Variants in IFNGR2 observed in about 807,000 individuals in gnomAD.
IFNGR2 encodes the protein IFN-gamma receptor 2.
IFNGR2 carries 15 observed loss-of-function variants against 41.1 expected under a neutral mutation model. That is an observed-to-expected ratio of 0.37 (90% CI 0.24 to 0.56). The LOEUF (loss-of-function observed/expected upper bound fraction) is 0.56. Ranked by LOEUF, IFNGR2 falls within the 20% of genes least tolerant of loss-of-function variation. The pLI is 0.81. For missense variants in IFNGR2, 362 were observed against 415.7 expected, an observed-to-expected ratio of 0.87 and a Z score of 1.12; for synonymous variants, 161 against 171.6, an observed-to-expected ratio of 0.94 and a Z score of 0.48.
chr21:33,422,950 A>G (rs1204760509), intron 3 of IFNGR2, among the ~76,000 whole-genome samples: 2 of 151,078 alleles, frequency 1.3e-5, no homozygotes, highest in African/African-American at 4.9e-5. Flanking sequence ...GCTTCCAGGC[A>G]TAGAAGAAAC....
chr21:33,432,670 T>C (rs768605434), intron 5 of IFNGR2, 44 bp from the exon 6 acceptor site: 2 of 1,603,508 alleles, frequency 1.2e-6, no homozygotes, highest in African/African-American at 1.3e-5. Context: ...GTTTGTGTTG[T>C]GCGTAGGAAG....
chr21:33,413,486 GA>G (rs1186495334), intron 1 of IFNGR2, among the ~76,000 whole-genome samples: 1 of 152,208 alleles, frequency 6.6e-6, no homozygotes, highest in Non-Finnish European at 1.5e-5. Context: ...CGCATTTACC[GA>G]AAATGTGTGG....
chr21:33,425,745 G>A (rs998390213), intron 3 of IFNGR2, among the ~76,000 whole-genome samples: 5 of 152,198 alleles, frequency 3.3e-5, no homozygotes, highest in African/African-American at 1.2e-4. Context: ...ACCTCCACCA[G>A]AACAAATGAG....
chr21:33,411,798 C>G (rs781766979), intron 1 of IFNGR2, among the ~76,000 whole-genome samples: 3 of 152,202 alleles, frequency 2.0e-5, no homozygotes, highest in Non-Finnish European at 4.4e-5. Flanking sequence ...TCCCTGGAGG[C>G]TCGAGAAGGA....
intron 3 of IFNGR2, 38 bp from the exon 4 acceptor site, chr21:33,426,846 T>C: frequency 6.5e-7 from 1 of 1,533,122 alleles, no homozygotes; most frequent in Non-Finnish European, 9.0e-7. Flanking sequence ...AATACATATG[T>C]GTATGTGTGT....
intron 1 of IFNGR2, among the ~76,000 whole-genome samples, chr21:33,407,174 G>A (rs2083683387): frequency 6.6e-6 from 1 of 152,024 alleles, no homozygotes; most frequent in Non-Finnish European, 1.5e-5. Context: ...TGTAATTGTA[G>A]CAGGTGCTGC....
chr21:33,420,115 C>T (rs186460590), intron 2 of IFNGR2, among the ~76,000 whole-genome samples: 102 of 152,176 alleles, frequency 6.7e-4, no homozygotes, highest in African/African-American at 2.3e-3. Flanking sequence ...GCCCTGGCCA[C>T]GCATCTTGAA....
intron 4 of IFNGR2, among the ~76,000 whole-genome samples, chr21:33,429,777 A>G (rs966582523): frequency 2.6e-5 from 4 of 152,164 alleles, no homozygotes; most frequent in African/African-American, 7.2e-5. Context: ...AAGAAAACAC[A>G]TTGTGCAAAC....
intron 4 of IFNGR2, among the ~76,000 whole-genome samples, chr21:33,427,400 G>C (rs923623107): frequency 2.6e-5 from 4 of 152,182 alleles, no homozygotes; most frequent in African/African-American, 9.6e-5. Flanking sequence ...CAGCCTGCAA[G>C]GCTTAACTGT....
At chr21:33,427,548 G>C (rs764817040) in intron 4 of IFNGR2, among the ~76,000 whole-genome samples, 20 of 152,188 alleles carry the variant, frequency 1.3e-4, no homozygotes, top group Non-Finnish European at 2.5e-4. Flanking sequence ...GCTTAGATTG[G>C]TCAGAAATGC....
chr21:33,418,032 ATTTAT>A (rs1338715497), intron 2 of IFNGR2, among the ~76,000 whole-genome samples: 1 of 151,542 alleles, frequency 6.6e-6, no homozygotes, highest in African/African-American at 2.4e-5. Context: ...TTATTTATTT[ATTTAT>A]TTTGAGACAG....
intron 1 of IFNGR2, among the ~76,000 whole-genome samples, chr21:33,404,023 A>ACCCGCGCG (rs1236974879): frequency 6.6e-6 from 1 of 151,596 alleles, no homozygotes; most frequent in African/African-American, 2.4e-5. Context: ...CACCTCCCCC[A>ACCCGCGCG]CCCGCGCGCC....
intron 2 of IFNGR2, among the ~76,000 whole-genome samples, chr21:33,415,470 A>G (rs1473639748): frequency 6.6e-6 from 1 of 152,106 alleles, no homozygotes; most frequent in African/African-American, 2.4e-5. Flanking sequence ...TCCATTTTGC[A>G]TATTATCCTG....
intron 1 of IFNGR2, among the ~76,000 whole-genome samples, chr21:33,409,109 G>A (rs764846206): frequency 4.0e-5 from 6 of 151,686 alleles, no homozygotes; most frequent in Non-Finnish European, 7.4e-5. Flanking sequence ...CCCAGGAAGT[G>A]GAGGTTACAG....
intron 2 of IFNGR2, among the ~76,000 whole-genome samples, chr21:33,416,255 A>T (rs917356423): frequency 6.6e-6 from 1 of 152,210 alleles, no homozygotes; most frequent in Admixed American, 6.5e-5. Context: ...ATGGAAGTGT[A>T]TATTCATATC....
At chr21:33,404,080 T>A (rs977089979) in intron 1 of IFNGR2, among the ~76,000 whole-genome samples, 1 of 152,260 alleles carries the variant, frequency 6.6e-6, no homozygotes, top group Admixed American at 6.5e-5. Context: ...TTTCTCGGAA[T>A]GAACAACAGC....
At chr21:33,424,672 G>A (rs576252405) in intron 3 of IFNGR2, among the ~76,000 whole-genome samples, 1 of 152,348 alleles carries the variant, frequency 6.6e-6, no homozygotes, top group East Asian at 1.9e-4. Flanking sequence ...CTGTGTTACT[G>A]TGGGCAAGTA....
At chr21:33,404,560 CCCAAGAAGGTG>C (rs2083663960) in intron 1 of IFNGR2, among the ~76,000 whole-genome samples, 1 of 152,144 alleles carries the variant, frequency 6.6e-6, no homozygotes, top group South Asian at 2.1e-4. Flanking sequence ...ACGTCAGCCT[CCCAAGAAGGTG>C]GTATTATTGG....
chr21:33,410,985 A>G, intron 1 of IFNGR2: 1 of 930,142 alleles, frequency 1.1e-6, no homozygotes, highest in Non-Finnish European at 1.7e-6. Flanking sequence ...GGTGTTTCCC[A>G]TCGGGGGCCA....
Sources: gnomAD v4.1 joint callset for allele counts (sites outside exome capture counted in the v4.1 genomes callset) on GRCh38, gnomAD v4.1.1 for gene constraint, MANE v1.5 for transcripts, NCBI Gene and HGNC (gene_info 2026-07-23, HGNC 2026-07-21) for gene names.